TCF7L2: variants seen among roughly 807,000 people sequenced by gnomAD.
TCF7L2 encodes the protein transcription factor 7 like 2, also known as transcription factor 7-like 2.
In TCF7L2, 23 loss-of-function variants were observed where a neutral mutation model predicts 77.9. That is an observed-to-expected ratio of 0.30 (90% CI 0.21 to 0.42). The LOEUF is 0.42. Ranked by LOEUF, TCF7L2 falls within the 10% of genes least tolerant of loss-of-function variation. TCF7L2 has a pLI of 1.00. For synonymous variants in TCF7L2, 413 were observed against 340.2 expected (o/e 1.21, Z -2.36); for missense variants, 654 against 793.1 (o/e 0.82, Z 2.11).
chr10:113,086,333 G>GATCAGGCATCAGGCATGGTTGC (rs1288670224), intron 5 of TCF7L2, among the ~76,000 whole-genome samples: 64 of 152,328 alleles, frequency 4.2e-4, no homozygotes, highest in African/African-American at 1.5e-3. Flanking sequence ...AGTCCAGAAT[G>GATCAGGCATCAGGCATGGTTGC]ATCAGGCATC....
chr10:113,166,461 T>TC lies in TCF7L2; in HGVS notation c.*489_*490insC, dbSNP rs1006890251. ...AATGCAGTGCCGTTACTTTTTTTTT[T>TC]TTTTTCTGTGTGAAACAACTCTTAT... On this transcript the variant is annotated 3_prime_UTR_variant, in exon 14 of 14. Coordinates refer to ENST00000627217, the MANE Select transcript of TCF7L2 (RefSeq NM_001146274.2). The TC allele has an allele frequency of 4.5e-6, 1 of 222,470 alleles. No homozygotes were observed. Among genetic ancestry groups the TC allele is most frequent in the African/African-American group, 2.2e-5 (1 of 44,550 alleles). 13.8% of individuals were successfully genotyped at this position (222,470 alleles called of 1,614,324 possible). A position where few individuals can be genotyped will look rare whatever the true frequency, so the allele number is the denominator to read the frequency against.
intron 5 of TCF7L2, among the ~76,000 whole-genome samples, chr10:113,101,720 G>A (rs150064718): frequency 0.011 from 1,744 of 151,778 alleles, 31 homozygotes; most frequent in African/African-American, 0.04. Context: ...GCGGCCGCCT[G>A]TAGTCCCAGC....
At chr10:112,999,747 G>A (rs572685709) in intron 4 of TCF7L2, among the ~76,000 whole-genome samples, 2 of 152,308 alleles carry the variant, frequency 1.3e-5, no homozygotes, top group South Asian at 2.1e-4. Flanking sequence ...CTCGGGAACA[G>A]TGGGGATCCT....
intron 4 of TCF7L2, among the ~76,000 whole-genome samples, chr10:112,971,657 G>C (rs1396616866): frequency 1.3e-5 from 2 of 148,648 alleles, no homozygotes; most frequent in Non-Finnish European, 3.0e-5. Context: ...CTGTCACCCA[G>C]TCTGGAATGC....
intron 5 of TCF7L2, among the ~76,000 whole-genome samples, chr10:113,059,024 C>A (rs2055922486): frequency 6.6e-6 from 1 of 151,986 alleles, no homozygotes; most frequent in Non-Finnish European, 1.5e-5. Context: ...CCCCCCATGC[C>A]CCAAAAGGTG....
chr10:112,970,090 G>GA (rs1182574461), intron 4 of TCF7L2, among the ~76,000 whole-genome samples: 1 of 152,106 alleles, frequency 6.6e-6, no homozygotes, highest in Non-Finnish European at 1.5e-5. Context: ...TGTGATTTAG[G>GA]AAAAACCTCC....
chr10:113,155,645 C>A (rs994510675), intron 11 of TCF7L2, among the ~76,000 whole-genome samples: 4 of 152,232 alleles, frequency 2.6e-5, no homozygotes, highest in African/African-American at 9.6e-5. Context: ...AACGGGGATG[C>A]TTTTTCACAC....
In TCF7L2 at chr10:113,151,027, A is replaced by G. The variant is rs1473723820; in HGVS notation, c.905A>G (p.His302Arg). 1.2e-6 allele frequency: 2 copies of G among 1,614,016 alleles called. No homozygotes were observed. Among genetic ancestry groups the G allele is most frequent in the Non-Finnish European group, 1.7e-6 (2 of 1,180,034 alleles). ...CCTCCCCATATGGTCCCACCACATCATACGCTACACACGACGGGCATTCCG... is the reference window on the plus strand; with the variant it reads ...CCTCCCCATATGGTCCCACCACATCGTACGCTACACACGACGGGCATTCCG... The change falls in exon 9 of 14, where the codon CAT becomes CGT. Residue 302 changes from histidine to arginine, a missense_variant. This residue lies in a region of TCF7L2 where 179 missense variants were observed against 270.6 expected (regional missense o/e 0.66). Transcript: ENST00000627217. The surrounding 1 kb of genome is among the most constrained non-coding windows in gnomAD (Gnocchi z 5.2).
At chr10:112,965,286 G>A (rs191566834) in intron 4 of TCF7L2, among the ~76,000 whole-genome samples, 1 of 152,248 alleles carries the variant, frequency 6.6e-6, no homozygotes, top group East Asian at 1.9e-4. Flanking sequence ...TCTTAAATCC[G>A]AAGGCTAAAC....
intron 4 of TCF7L2, among the ~76,000 whole-genome samples, chr10:112,973,865 T>C (rs2038838711): frequency 6.6e-6 from 1 of 152,186 alleles, no homozygotes; most frequent in East Asian, 1.9e-4. Context: ...ACTGGGATTA[T>C]AGGTGGGGGC....
intron 5 of TCF7L2, among the ~76,000 whole-genome samples, chr10:113,110,826 G>A (rs2063031750): frequency 1.3e-5 from 2 of 152,300 alleles, no homozygotes; most frequent in African/African-American, 4.8e-5. Flanking sequence ...ATCCCTGAGT[G>A]CCCGTAATGT....
Position 113,166,866 on chromosome 10 carries a change from T to C in TCF7L2, c.*894T>C, listed in dbSNP as rs55699322. ...AACCCAGATGTCACCAAATGGACAT[T>C]AATAGTTGCATTAAGGATCAGTAGC... On this transcript the variant is annotated 3_prime_UTR_variant, in exon 14 of 14. Coordinates refer to ENST00000627217, the MANE Select transcript of TCF7L2 (RefSeq NM_001146274.2). The C allele has an allele frequency of 1.4e-4, 31 of 229,510 alleles. No homozygotes were observed. The highest frequency in any genetic ancestry group is 2.3e-4 in the Admixed American group (4 of 17,676). The allele number at this position is 229,510 out of a possible 1,614,324, so 14.2% of individuals were successfully genotyped here. A position where few individuals can be genotyped will look rare whatever the true frequency, so the allele number is the denominator to read the frequency against.
chr10:112,950,690 GA>G lies in TCF7L2; in HGVS notation c.-66del, dbSNP rs1227352888. ...TGGGGGGGCAAAACTTTTTGGGGGT[GA>G]TTTTTTTTGGCTTTTCTTCCTCCTT... On this transcript the variant is annotated 5_prime_UTR_variant, in exon 1 of 14. Transcript: ENST00000627217. 2.1e-5 allele frequency: 31 copies of G among 1,510,642 alleles called. No homozygotes were observed. In the Admixed American group the frequency reaches 2.4e-4, roughly 12 times the overall value. 93.6% of individuals were successfully genotyped at this position (1,510,642 alleles called of 1,614,324 possible).
chr10:113,163,603 T>G (rs575791127), intron 13 of TCF7L2, among the ~76,000 whole-genome samples: 4 of 152,122 alleles, frequency 2.6e-5, no homozygotes, highest in Admixed American at 1.3e-4. Flanking sequence ...CTGAGAGGCT[T>G]AATTATTTAT....
At chr10:113,090,130 C>G (rs2060224720) in intron 5 of TCF7L2, among the ~76,000 whole-genome samples, 1 of 152,198 alleles carries the variant, frequency 6.6e-6, no homozygotes, top group South Asian at 2.1e-4. Flanking sequence ...ATACCCCACA[C>G]TGCTCAGTGC....
chr10:113,090,639 C>G (rs1438018229), intron 5 of TCF7L2, among the ~76,000 whole-genome samples: 1 of 152,182 alleles, frequency 6.6e-6, no homozygotes, highest in Non-Finnish European at 1.5e-5. Flanking sequence ...GAGATAGAGT[C>G]TCGCTCTGTT....
intron 5 of TCF7L2, among the ~76,000 whole-genome samples, chr10:113,088,605 A>G (rs111400782): frequency 0.022 from 3,274 of 152,226 alleles, 112 homozygotes; most frequent in African/African-American, 0.073. Flanking sequence ...AATTGGTAGT[A>G]TAGTTGCTTT....
rs116086238 is a variant in TCF7L2, at chr10:112,984,342, A to G, written c.450+19718A>G. ...TTTTTTTGGCATTTGCCAGAACTCT[A>G]TAGCTGTTCAGTGGCCTTAGGCTGC... On this transcript the variant is annotated intron_variant, in intron 4 of 13. Transcript: ENST00000627217. Among the ~76,000 whole-genome samples, 462 of 151,996 alleles carry G rather than the reference A, an allele frequency of 3.0e-3. 4 individuals are homozygous for G. The highest frequency in any genetic ancestry group is 0.01 in the African/African-American group (430 of 41,444).
At chr10:113,159,732 A>C (rs1296025578) in intron 12 of TCF7L2, among the ~76,000 whole-genome samples, 188 bp from the exon 14 acceptor site, 1 of 152,066 alleles carries the variant, frequency 6.6e-6, no homozygotes, top group Non-Finnish European at 1.5e-5. Flanking sequence ...TAATTAAAGA[A>C]AGTTAAAAAA....
Sources: allele counts gnomAD v4.1 joint callset (sites outside exome capture counted in the v4.1 genomes callset), GRCh38; gene constraint gnomAD v4.1.1; regional missense constraint gnomAD v4.1.1; non-coding constraint Gnocchi (gnomAD v3.1); transcripts MANE v1.5; gene names NCBI Gene and HGNC (gene_info 2026-07-23, HGNC 2026-07-21).